Variants in POFUT3 observed in about 807,000 individuals in gnomAD.
The protein encoded by POFUT3 is GDP-fucose protein O-fucosyltransferase 3.
chr8:33,448,118 C>T, the POFUT3 span, among the ~76,000 whole-genome samples: 1 of 152,060 alleles, frequency 6.6e-6, no homozygotes, highest in African/African-American at 2.4e-5. Flanking sequence ...GGCAGAGAGA[C>T]TGCTCGAGCC....
chr8:33,367,852 T>C, the POFUT3 span, among the ~76,000 whole-genome samples: 8 of 152,174 alleles, frequency 5.3e-5, no homozygotes, highest in African/African-American at 1.9e-4. Flanking sequence ...ACCCCCTACA[T>C]ACAGTAATGG....
the POFUT3 span, among the ~76,000 whole-genome samples, chr8:33,469,556 G>C: frequency 6.6e-6 from 1 of 152,096 alleles, no homozygotes; most frequent in Non-Finnish European, 1.5e-5. Flanking sequence ...TGGGGAAAGA[G>C]GTGTAGCCAG....
At chr8:33,318,421 C>A in the POFUT3 span, among the ~76,000 whole-genome samples, 1 of 145,068 alleles carries the variant, frequency 6.9e-6, no homozygotes, top group East Asian at 2.0e-4. Context: ...TGCACACATA[C>A]ACACATGTAT....
chr8:33,379,980 C>G, the POFUT3 span, among the ~76,000 whole-genome samples: 1 of 79,994 alleles, frequency 1.3e-5, no homozygotes, highest in East Asian at 3.2e-4. Flanking sequence ...TATATACACT[C>G]TATATATATA....
At chr8:33,451,282 G>GA in the POFUT3 span, among the ~76,000 whole-genome samples, 2 of 152,206 alleles carry the variant, frequency 1.3e-5, no homozygotes, top group East Asian at 3.9e-4. Flanking sequence ...TTGGTGCTCA[G>GA]AAAGTTTTGG....
chr8:33,382,853 C>G, the POFUT3 span, among the ~76,000 whole-genome samples: 1 of 152,142 alleles, frequency 6.6e-6, no homozygotes, highest in African/African-American at 2.4e-5. Flanking sequence ...ATCCCTTGCC[C>G]CACCTGCACA....
chr8:33,450,366 A>G, the POFUT3 span, among the ~76,000 whole-genome samples: 1 of 152,234 alleles, frequency 6.6e-6, no homozygotes, highest in Non-Finnish European at 1.5e-5. Flanking sequence ...GTTGGGTCAT[A>G]TCTTTTTCTC....
At chr8:33,386,181 TC>T in the POFUT3 span, among the ~76,000 whole-genome samples, 2 of 85,570 alleles carry the variant, frequency 2.3e-5, no homozygotes, top group Non-Finnish European at 3.8e-5. Flanking sequence ...ACAGCAAGGC[TC>T]CATCTCAAAA....
the POFUT3 span, among the ~76,000 whole-genome samples, chr8:33,322,376 A>T: frequency 1.3e-5 from 2 of 152,076 alleles, no homozygotes; most frequent in Non-Finnish European, 2.9e-5. Context: ...AGGGAGCATG[A>T]TCTTCAATTT....
At chr8:33,380,065 CTATATATATACACTATATATACTA>C in the POFUT3 span, among the ~76,000 whole-genome samples, 1 of 53,630 alleles carries the variant, frequency 1.9e-5, no homozygotes, top group Non-Finnish European at 2.9e-5. Context: ...TATATATACA[CTATATATATACACTATATATACTA>C]TATATATACA....
chr8:33,382,642 G>A, the POFUT3 span, among the ~76,000 whole-genome samples: 2 of 152,116 alleles, frequency 1.3e-5, no homozygotes, highest in Non-Finnish European at 2.9e-5. Context: ...AAAGGGAAGT[G>A]GTTGCCAGTT....
chr8:33,324,298 G>A, the POFUT3 span, among the ~76,000 whole-genome samples: 6 of 152,286 alleles, frequency 3.9e-5, no homozygotes, highest in Non-Finnish European at 8.8e-5. Flanking sequence ...GGATAATGGT[G>A]AGCAAATAGC....
chr8:33,385,995 C>G, the POFUT3 span, among the ~76,000 whole-genome samples: 1 of 151,870 alleles, frequency 6.6e-6, no homozygotes, highest in Admixed American at 6.6e-5. Flanking sequence ...CGAGATCAGC[C>G]TGGTCAACAT....
the POFUT3 span, among the ~76,000 whole-genome samples, chr8:33,369,997 G>A: frequency 7.9e-5 from 12 of 151,734 alleles, no homozygotes; most frequent in Non-Finnish European, 8.8e-5. Flanking sequence ...CAACATTTCT[G>A]AAAAGGCTTC....
the POFUT3 span, among the ~76,000 whole-genome samples, chr8:33,466,387 C>T: frequency 6.6e-6 from 1 of 151,832 alleles, no homozygotes; most frequent in Non-Finnish European, 1.5e-5. Context: ...CATGATTATG[C>T]CACTGTACTC....
At chr8:33,453,319 C>G in the POFUT3 span, 1 of 1,614,186 alleles carries the variant, frequency 6.2e-7, no homozygotes, top group Non-Finnish European at 8.5e-7. Flanking sequence ...CAGTCTCCCC[C>G]GTCAGCGGGG....
the POFUT3 span, among the ~76,000 whole-genome samples, chr8:33,408,798 T>A: frequency 2.0e-5 from 3 of 151,900 alleles, no homozygotes; most frequent in East Asian, 5.8e-4. Context: ...GGTGGAGAGT[T>A]GGGGGTAAAC....
the POFUT3 span, among the ~76,000 whole-genome samples, chr8:33,447,503 T>TA: frequency 2.0e-5 from 3 of 151,674 alleles, no homozygotes; most frequent in Admixed American, 1.3e-4. Flanking sequence ...TAAACTAGTC[T>TA]AAAAAAAATA....
chr8:33,423,597 G>C, the POFUT3 span, among the ~76,000 whole-genome samples: 2 of 152,000 alleles, frequency 1.3e-5, no homozygotes, highest in Non-Finnish European at 2.9e-5. Flanking sequence ...GACCCTCACA[G>C]GCATGCCATA....
Sources: allele counts gnomAD v4.1 joint callset (sites outside exome capture counted in the v4.1 genomes callset), GRCh38; gene constraint gnomAD v4.1.1; transcripts MANE v1.5; gene names NCBI Gene and HGNC (gene_info 2026-07-23, HGNC 2026-07-21).